Variants in ABLIM2 observed in about 807,000 individuals in gnomAD.
The protein encoded by ABLIM2 is actin binding LIM protein family member 2.
Under a neutral mutation model 97.7 loss-of-function variants are expected in ABLIM2, and 53 were observed. The observed-to-expected ratio is 0.54, with a 90% CI of 0.44 to 0.68. ABLIM2 has a LOEUF of 0.68. ABLIM2 is among the 30% of genes least tolerant of loss of function. The pLI is 0.00. For missense variants in ABLIM2, 835 were observed against 867.2 expected (o/e 0.96, Z 0.47); for synonymous variants, 361 against 345.8 (o/e 1.04, Z -0.49).
intron 3 of ABLIM2, among the ~76,000 whole-genome samples, chr4:8,096,737 G>C (rs1471140228): frequency 6.6e-6 from 1 of 152,204 alleles, no homozygotes. Context: ...GGGGGAGGCA[G>C]GGACCACGTA....
At chr4:7,975,495 C>T (rs750937150) in intron 20 of ABLIM2, among the ~76,000 whole-genome samples, 4 of 152,176 alleles carry the variant, frequency 2.6e-5, no homozygotes, top group Non-Finnish European at 4.4e-5. Context: ...TTCACTGCTG[C>T]GTGGCTGGAC....
chr4:8,092,424 G>C (rs772743578), intron 3 of ABLIM2, among the ~76,000 whole-genome samples: 5 of 152,164 alleles, frequency 3.3e-5, no homozygotes, highest in African/African-American at 1.2e-4. Context: ...TTTGTTTCCA[G>C]AGAACTGTAG....
At chr4:8,158,292 T>G (rs929379304) in intron 1 of ABLIM2, among the ~76,000 whole-genome samples, 50 of 152,286 alleles carry the variant, frequency 3.3e-4, no homozygotes, top group East Asian at 2.3e-3. Flanking sequence ...TCATCTCACC[T>G]CTGCGTGCCT....
chr4:8,115,442 G>A (rs1842390289), intron 1 of ABLIM2, among the ~76,000 whole-genome samples: 1 of 152,156 alleles, frequency 6.6e-6, no homozygotes. Context: ...GGGCTCACCT[G>A]GAGGCCCAGC....
chr4:7,981,784 G>A (rs910707199), intron 20 of ABLIM2, among the ~76,000 whole-genome samples: 9 of 152,182 alleles, frequency 5.9e-5, no homozygotes, highest in Non-Finnish European at 1.0e-4. Context: ...GAGCAGCTTG[G>A]TCAAATGGAA....
intron 20 of ABLIM2, among the ~76,000 whole-genome samples, chr4:7,969,691 A>G (rs1330331805): frequency 7.0e-6 from 1 of 143,530 alleles, no homozygotes; most frequent in East Asian, 2.4e-4. Context: ...TTTTAGTTGA[A>G]TCTGGGCTCA....
rs1053868992 is a variant in ABLIM2, at chr4:8,125,553, C to T, written c.11-18916G>A. The stretch of plus-strand genomic sequence containing the variant: ...GACGGTCTGGTCCATCTACCACAGT[C>T]GATCTGCAGTGCTGATGGCCACAGG... On this transcript the variant is annotated intron_variant, in intron 1 of 20. Coordinates refer to ENST00000447017, the MANE Select transcript of ABLIM2 (RefSeq NM_001130083.2). This position sits in a 1 kb window ranked among gnomAD's most constrained non-coding sequence, Gnocchi z 6.2. 1.3e-5 allele frequency among the ~76,000 whole-genome samples: 2 copies of T among 152,188 alleles called. No individual in the cohort carries two copies. The highest frequency in any genetic ancestry group is 4.8e-5 in the African/African-American group (2 of 41,458).
At chr4:7,989,554 AT>A (rs1292627661) in intron 17 of ABLIM2, 1 of 414,140 alleles carries the variant, frequency 2.4e-6, no homozygotes, top group African/African-American at 2.2e-5. Context: ...TATTAATTTT[AT>A]TAATTCCTTT....
intron 6 of ABLIM2, among the ~76,000 whole-genome samples, chr4:8,077,264 C>T (rs1490202534): frequency 6.6e-6 from 1 of 152,180 alleles, no homozygotes; most frequent in East Asian, 1.9e-4. Flanking sequence ...CCCGGGCGAC[C>T]CCGCTGTGCC....
At chr4:8,110,192 G>A (rs975898985) in intron 1 of ABLIM2, among the ~76,000 whole-genome samples, 30 of 152,360 alleles carry the variant, frequency 2.0e-4, no homozygotes, top group African/African-American at 6.5e-4. Context: ...GGTGGGGGCC[G>A]TGCATCTTCA....
Position 8,140,170 on chromosome 4 carries a change from G to A in ABLIM2, c.10+18510C>T, listed in dbSNP as rs917943254. ...ACGCAGGGCTCAATACCTTGGTGTG[G>A]GTTAACAGGTGCGGCAAACCACCAT... On this transcript the variant is annotated intron_variant, in intron 1 of 20. Coordinates refer to ENST00000447017, the MANE Select transcript of ABLIM2 (RefSeq NM_001130083.2). This position sits in a 1 kb window ranked among gnomAD's most constrained non-coding sequence, Gnocchi z 5.9. Among the ~76,000 whole-genome samples the A allele has an allele frequency of 6.6e-6, 1 of 152,048 alleles. No homozygotes were observed. Among genetic ancestry groups the A allele is most frequent in the Non-Finnish European group, 1.5e-5 (1 of 68,002 alleles).
In ABLIM2 at chr4:8,032,200, GAA is replaced by G. The variant is rs200495159; in HGVS notation, c.1048-2426_1048-2425del. 0.36 allele frequency among the ~76,000 whole-genome samples: 49,700 copies of G among 139,334 alleles called. 8,254 individuals carry two copies. The highest frequency in any genetic ancestry group is 0.38 in the African/African-American group (14,627 of 38,738). The allele number at this position is 139,334 out of a possible 152,430, so 91.4% of individuals were successfully genotyped here. A position where few individuals can be genotyped will look rare whatever the true frequency, so the allele number is the denominator to read the frequency against. On this transcript the variant is annotated intron_variant, in intron 10 of 20. Coordinates refer to ENST00000447017, the MANE Select transcript of ABLIM2 (RefSeq NM_001130083.2). This position sits in a 1 kb window ranked among gnomAD's most constrained non-coding sequence, Gnocchi z 4.3. ...TGTCACTGATTAATTTTGAGAAACA[GAA>G]AAAAAAAAAAAAAACTAGACCACTA...
In ABLIM2 at chr4:8,067,086, G is replaced by A. The variant is rs1405124272; in HGVS notation, c.676-6032C>T. 2 of 152,198 alleles carry A rather than the reference G, an allele frequency of 1.3e-5. No homozygotes were observed. Among genetic ancestry groups the A allele is most frequent in the Non-Finnish European group, 2.9e-5 (2 of 68,088 alleles). 9.4% of individuals were successfully genotyped at this position (152,198 alleles called of 1,614,324 possible). ...GGAGGAGGTCGAGGCTCAGAGAGGC[G>A]AGGGGGGCCTACCCAAGGCCATGTC... On this transcript the variant is annotated intron_variant, in intron 6 of 20. Coordinates refer to ENST00000447017, the MANE Select transcript of ABLIM2 (RefSeq NM_001130083.2). This position sits in a 1 kb window ranked among gnomAD's most constrained non-coding sequence, Gnocchi z 5.4.
At chr4:8,007,310 C>T in intron 16 of ABLIM2, 1 of 985,456 alleles carries the variant, frequency 1.0e-6, no homozygotes, top group Non-Finnish European at 1.2e-6. Flanking sequence ...GGGACTGCCT[C>T]ACTGCAAAGC....
In ABLIM2 at chr4:8,123,284, G is replaced by A. The variant is rs1846296225; in HGVS notation, c.11-16647C>T. On this transcript the variant is annotated intron_variant, in intron 1 of 20. Coordinates refer to ENST00000447017, the MANE Select transcript of ABLIM2 (RefSeq NM_001130083.2). This position sits in a 1 kb window ranked among gnomAD's most constrained non-coding sequence, Gnocchi z 6.2. Reference sequence around the variant, plus strand: ...AACAGCACCAGCCCCATCTCCAACTGGCATGAGAGGCGTTGTCACCCTCAG... The same window carrying A: ...AACAGCACCAGCCCCATCTCCAACTAGCATGAGAGGCGTTGTCACCCTCAG... Among the ~76,000 whole-genome samples the A allele has an allele frequency of 6.6e-6, 1 of 152,126 alleles. No individual in the cohort carries two copies. The highest frequency in any genetic ancestry group is 2.1e-4 in the South Asian group (1 of 4,828).
At chr4:8,092,275 G>A (rs544355551) in intron 3 of ABLIM2, among the ~76,000 whole-genome samples, 2 of 152,128 alleles carry the variant, frequency 1.3e-5, no homozygotes, top group East Asian at 3.9e-4. Flanking sequence ...TGGGATTACA[G>A]GCGTGAGTCA....
At chr4:7,991,956 G>A (rs555290677) in intron 17 of ABLIM2, among the ~76,000 whole-genome samples, 5 of 152,302 alleles carry the variant, frequency 3.3e-5, no homozygotes, top group South Asian at 2.1e-4. Flanking sequence ...CTGCTCCAGC[G>A]CAACAAAGAG....
Position 7,999,612 on chromosome 4 carries a change from C to T in ABLIM2, c.1619-6685G>A, listed in dbSNP as rs1457134257. ...GTGTGGGTTTGCAGGCATGTGGGGT[C>T]TAATGCATGTCAGATGGAAGCAGAC... On this transcript the variant is annotated intron_variant, in intron 16 of 20. Transcript: ENST00000447017. The surrounding 1 kb of genome is among the most constrained non-coding windows in gnomAD (Gnocchi z 4.4). 3.9e-5 allele frequency among the ~76,000 whole-genome samples: 6 copies of T among 152,192 alleles called. No individual in the cohort carries two copies. The highest frequency in any genetic ancestry group is 1.4e-4 in the African/African-American group (6 of 41,430).
At chr4:8,100,679 G>A (rs1171028946) in intron 2 of ABLIM2, among the ~76,000 whole-genome samples, 1 of 150,828 alleles carries the variant, frequency 6.6e-6, no homozygotes, top group Non-Finnish European at 1.5e-5. Flanking sequence ...CTGGAAGGCG[G>A]AGATTGCGGT....
Sources: allele counts gnomAD v4.1 joint callset (sites outside exome capture counted in the v4.1 genomes callset), GRCh38; gene constraint gnomAD v4.1.1; non-coding constraint Gnocchi (gnomAD v3.1); transcripts MANE v1.5; gene names NCBI Gene and HGNC (gene_info 2026-07-23, HGNC 2026-07-21).